The following QTMAN variants were observed in gnomAD, a reference collection of about 807,000 sequenced individuals.
QTMAN encodes queuosine-tRNA mannosyltransferase.
At chr2:144,023,697 T>C in the QTMAN span, among the ~76,000 whole-genome samples, 2 of 152,208 alleles carry the variant, frequency 1.3e-5, no homozygotes, top group African/African-American at 4.8e-5. Flanking sequence ...TCAGAGTTTG[T>C]GTTAATATTA....
At chr2:144,041,437 C>T in the QTMAN span, among the ~76,000 whole-genome samples, 1 of 152,218 alleles carries the variant, frequency 6.6e-6, no homozygotes, top group Non-Finnish European at 1.5e-5. Flanking sequence ...ATATCTGTCA[C>T]ATACCAGTAC....
At chr2:144,222,908 AAGAG>A in the QTMAN span, among the ~76,000 whole-genome samples, 2 of 152,190 alleles carry the variant, frequency 1.3e-5, no homozygotes, top group African/African-American at 4.8e-5. Flanking sequence ...AGTCAACTAA[AAGAG>A]AGAGAGATTT....
At chr2:144,120,196 T>C in the QTMAN span, among the ~76,000 whole-genome samples, 1 of 152,222 alleles carries the variant, frequency 6.6e-6, no homozygotes, top group Admixed American at 6.5e-5. Flanking sequence ...TCTTAAGACT[T>C]TGCTGCCTTT....
chr2:143,952,063 C>CAGAT, the QTMAN span: 1 of 1,596,018 alleles, frequency 6.3e-7, no homozygotes, highest in Non-Finnish European at 8.6e-7. Context: ...GTGTAGAATA[C>CAGAT]AGATATTCAG....
chr2:144,022,060 T>A, the QTMAN span, among the ~76,000 whole-genome samples: 32 of 152,220 alleles, frequency 2.1e-4, no homozygotes, highest in African/African-American at 7.5e-4. Flanking sequence ...GGAAGAAGAT[T>A]TTGCTTTTTA....
the QTMAN span, among the ~76,000 whole-genome samples, chr2:144,249,490 G>C: frequency 5.3e-5 from 8 of 152,280 alleles, no homozygotes; most frequent in East Asian, 1.5e-3. Context: ...CTGAGCAGGA[G>C]GGCATAAGGA....
the QTMAN span, among the ~76,000 whole-genome samples, chr2:144,143,983 ACTCTTATTTTTCCT>A: frequency 6.6e-6 from 1 of 151,784 alleles, no homozygotes; most frequent in African/African-American, 2.4e-5. Flanking sequence ...GCCTTTTGAC[ACTCTTATTTTTCCT>A]CTGGACAACT....
the QTMAN span, among the ~76,000 whole-genome samples, chr2:144,154,452 G>T: frequency 6.6e-6 from 1 of 152,220 alleles, no homozygotes; most frequent in South Asian, 2.1e-4. Flanking sequence ...AGATAGTGAT[G>T]GTGTAATACT....
chr2:143,948,691 T>A, the QTMAN span, among the ~76,000 whole-genome samples: 1 of 152,128 alleles, frequency 6.6e-6, no homozygotes, highest in Non-Finnish European at 1.5e-5. Context: ...GTTGAGAATT[T>A]TCCATAAGTA....
At chr2:144,101,090 G>A in the QTMAN span, among the ~76,000 whole-genome samples, 1,739 of 151,886 alleles carry the variant, frequency 0.011, 36 homozygotes, top group African/African-American at 0.038. Context: ...GGATGGTCTC[G>A]ATCTCCTGAC....
the QTMAN span, among the ~76,000 whole-genome samples, chr2:144,046,997 G>A: frequency 5.3e-5 from 8 of 152,152 alleles, no homozygotes; most frequent in South Asian, 4.1e-4. Flanking sequence ...TGGACCGGGC[G>A]TGGTGGCTCA....
the QTMAN span, among the ~76,000 whole-genome samples, chr2:144,224,366 T>TA: frequency 2.2e-4 from 33 of 152,346 alleles, no homozygotes; most frequent in South Asian, 6.8e-3. Context: ...AACAAATACT[T>TA]ATTGTGCCTA....
the QTMAN span, chr2:144,145,596 T>G: frequency 6.2e-7 from 1 of 1,609,978 alleles, no homozygotes; most frequent in East Asian, 2.2e-5. Context: ...GTTGTATCCA[T>G]ATTGGAAATC....
chr2:144,145,602 A>T, the QTMAN span: 1 of 1,610,244 alleles, frequency 6.2e-7, no homozygotes, highest in Non-Finnish European at 8.5e-7. Flanking sequence ...TCCATATTGG[A>T]AATCCCTCTC....
chr2:144,301,625 A>C, the QTMAN span, among the ~76,000 whole-genome samples: 2 of 152,362 alleles, frequency 1.3e-5, no homozygotes, highest in East Asian at 3.9e-4. Context: ...AATTCACAGA[A>C]GAAACTGAAT....
At chr2:144,077,746 G>C in the QTMAN span, among the ~76,000 whole-genome samples, 1 of 152,080 alleles carries the variant, frequency 6.6e-6, no homozygotes, top group Non-Finnish European at 1.5e-5. Context: ...CTCTGTCCTG[G>C]CTGTTGTATT....
the QTMAN span, among the ~76,000 whole-genome samples, chr2:143,975,056 C>T: frequency 0.026 from 3,933 of 152,266 alleles, 57 homozygotes; most frequent in Middle Eastern, 0.082. Context: ...GCAGAAGAGA[C>T]CAACGCAGAA....
At chr2:144,048,475 G>GT in the QTMAN span, among the ~76,000 whole-genome samples, 1 of 152,128 alleles carries the variant, frequency 6.6e-6, no homozygotes. Context: ...TCAGAGAGTG[G>GT]TGGGGCTGTG....
At chr2:143,952,445 C>A in the QTMAN span, among the ~76,000 whole-genome samples, 2 of 150,850 alleles carry the variant, frequency 1.3e-5, no homozygotes, top group South Asian at 4.2e-4. Context: ...GACTTTCAGT[C>A]CCTGATTTTT....
Sources: allele counts gnomAD v4.1 joint callset (sites outside exome capture counted in the v4.1 genomes callset), GRCh38; gene constraint gnomAD v4.1.1; transcripts MANE v1.5; gene names NCBI Gene and HGNC (gene_info 2026-07-23, HGNC 2026-07-21).